TRMU: variants seen among roughly 807,000 people sequenced by gnomAD.
TRMU encodes mitochondrial tRNA-specific 2-thiouridylase 1.
Under a neutral mutation model 46.9 loss-of-function variants are expected in TRMU, and 49 were observed. The observed-to-expected ratio is 1.05, with a 90% CI of 0.83 to 1.33. The LOEUF is 1.33. Ranked by LOEUF, TRMU falls within the 40% of genes most tolerant of loss-of-function variation. The pLI is 0.00. For synonymous variants in TRMU, 241 were observed against 200.9 expected (o/e 1.20, Z -1.69); for missense variants, 572 against 532.4 (o/e 1.07, Z -0.73).
rs2078335516 is a variant in TRMU at position 46,349,087 on chromosome 22, C to CGA, written c.479-1201_479-1200dup. Among the ~76,000 whole-genome samples the CGA allele has an allele frequency of 6.6e-6, 1 of 151,082 alleles. No homozygotes were observed. Among genetic ancestry groups the CGA allele is most frequent in the African/African-American group, 2.4e-5 (1 of 40,972 alleles). Reference sequence around the variant, plus strand: ...CCAGGAGGCGGAGATTGCCGTGAGCCGAGATGTGCCACTGCACTCCAGCCT... The same window carrying CGA: ...CCAGGAGGCGGAGATTGCCGTGAGCCGAGAGATGTGCCACTGCACTCCAGCCT... On this transcript the variant is annotated intron_variant, in intron 4 of 10. Coordinates refer to ENST00000645190, the MANE Select transcript of TRMU (RefSeq NM_018006.5). The surrounding 1 kb of genome is among the most constrained non-coding windows in gnomAD (Gnocchi z 4.6).
rs2077974455 is a variant in TRMU at position 46,336,267 on chromosome 22, G to A, written c.82+421G>A. 3 of 482,362 alleles carry A rather than the reference G, an allele frequency of 6.2e-6. No individual in the cohort carries two copies. The highest frequency in any genetic ancestry group is 1.2e-4 in the Admixed American group (2 of 17,042). 29.9% of individuals were successfully genotyped at this position (482,362 alleles called of 1,614,324 possible). On this transcript the variant is annotated intron_variant, in intron 1 of 10. Transcript: ENST00000645190. The surrounding 1 kb of genome is among the most constrained non-coding windows in gnomAD (Gnocchi z 4.1). ...ACACGCTGTGGCCGCCCGGTGGGAGGTCCTTGTCCTCCCCACTCAGCAGAC... is the reference window on the plus strand; with the variant it reads ...ACACGCTGTGGCCGCCCGGTGGGAGATCCTTGTCCTCCCCACTCAGCAGAC...
At position 46,350,401 on chromosome 22, in the gene TRMU, A is replaced by C. The variant is rs898786376; in HGVS notation, c.589A>C (p.Lys197Gln). 5 of 1,614,072 alleles carry C rather than the reference A, an allele frequency of 3.1e-6. No homozygotes were observed. The highest frequency in any genetic ancestry group is 4.2e-6 in the Non-Finnish European group (5 of 1,180,042). ...CATCTTCCCTCTGGGGGGATTAACG[A>C]AAGAGTTTGTAAAGAAAATCGCTGC... ...RTIFPLGGLT[K>Q]EFVKKIAAEN... The change falls in exon 5 of 11, where the codon AAA becomes CAA. Residue 197 changes from lysine to glutamine, a missense_variant. By Grantham distance (53) the Lys-to-Gln change is moderately conservative. Transcript: ENST00000645190. The surrounding 1 kb of genome is among the most constrained non-coding windows in gnomAD (Gnocchi z 4.6).
Position 46,355,600 on chromosome 22 carries a change from G to A in TRMU, c.1018+12G>A, listed in dbSNP as rs777327420. On this transcript the variant is annotated intron_variant, in intron 9 of 10. Coordinates refer to ENST00000645190, the MANE Select transcript of TRMU (RefSeq NM_018006.5). Reference sequence around the variant, plus strand: ...CCAGATGGCACTAGGTGACTGACGGGAGGGCTCCTGAGGACGGGCCCCTTG... The same window carrying A: ...CCAGATGGCACTAGGTGACTGACGGAAGGGCTCCTGAGGACGGGCCCCTTG... The A allele has an allele frequency of 1.2e-6, 2 of 1,613,290 alleles. No individual in the cohort carries two copies. Among genetic ancestry groups the A allele is most frequent in the South Asian group, 1.1e-5 (1 of 91,088 alleles).
intron 1 of TRMU, 124 bp from the exon 2 acceptor site, chr22:46,337,655 C>T (rs904930658): frequency 1.6e-5 from 21 of 1,290,330 alleles, no homozygotes; most frequent in Middle Eastern, 2.6e-4. Flanking sequence ...AGGGACTGCC[C>T]GGCAGGCCAG....
At chr22:46,341,194 T>C (rs1416432061) in intron 2 of TRMU, among the ~76,000 whole-genome samples, 1 of 152,226 alleles carries the variant, frequency 6.6e-6, no homozygotes, top group African/African-American at 2.4e-5. Context: ...CGCCTTCCCA[T>C]CTGCTGTTTA....
chr22:46,337,883 A>G lies in TRMU; in HGVS notation c.187A>G (p.Ile63Val). ...DCEDAYRVCQ[I>V]LDIPFHQVSY... ...TGAAGATGCTTACAGAGTTTGCCAG[A>G]TCTTAGACATCCCTTTCCATCAAGT... Residue 63 changes from isoleucine (I) to valine (V), a missense_variant, in exon 2 of 11, where the codon ATC (isoleucine) becomes GTC (valine). Transcript: ENST00000645190. The G allele has an allele frequency of 6.2e-7, 1 of 1,614,226 alleles. No individual in the cohort carries two copies. Among genetic ancestry groups the G allele is most frequent in the Non-Finnish European group, 8.5e-7 (1 of 1,180,028 alleles).
intron 9 of TRMU, 91 bp from the exon 10 acceptor site, chr22:46,355,899 C>A: frequency 6.9e-7 from 1 of 1,442,984 alleles, no homozygotes; most frequent in Non-Finnish European, 9.5e-7. Context: ...GGGTTTTTGA[C>A]CCCGTGGGCT....
rs367879331 is a variant in TRMU at position 46,343,199 on chromosome 22, C to CT, written c.249-48dup. 178,199 of 891,468 alleles carry CT rather than the reference C, an allele frequency of 0.2. 7 individuals carry two copies. The highest frequency in any genetic ancestry group is 0.26 in the South Asian group (15,254 of 58,488). 55.2% of individuals were successfully genotyped at this position (891,468 alleles called of 1,614,324 possible). Reference sequence around the variant, plus strand: ...TACATTAAACAAGCAATTTAGTGAACTTTTTTTTTTTTTTTGAGGAATGTT... The same window carrying CT: ...TACATTAAACAAGCAATTTAGTGAACTTTTTTTTTTTTTTTTGAGGAATGTT... On this transcript the variant is annotated intron_variant, in intron 2 of 10. Transcript: ENST00000645190.
chr22:46,337,238 C>T (rs1469607616), intron 1 of TRMU, among the ~76,000 whole-genome samples: 1 of 152,150 alleles, frequency 6.6e-6, no homozygotes, highest in African/African-American at 2.4e-5. Context: ...GTGTAGTTTG[C>T]TAAGGTGGTG....
rs1489643441 is a variant in TRMU at position 46,352,042 on chromosome 22, G to GGCCC, written c.652-76_652-73dup. The GGCCC allele has an allele frequency of 3.3e-6, 5 of 1,528,280 alleles. No homozygotes were observed. In the African/African-American group the frequency reaches 6.8e-5, roughly 21 times the overall value. 94.7% of individuals were successfully genotyped at this position (1,528,280 alleles called of 1,614,324 possible). The stretch of plus-strand genomic sequence containing the variant: ...GTGGGGTGAGGCCGGGAGGCCCCAG[G>GGCCC]GCCCGCTCAGGACGTCTGGGTACAG... On this transcript the variant is annotated intron_variant, in intron 5 of 10. Transcript: ENST00000645190.
At position 46,342,914 on chromosome 22, in the gene TRMU, G is replaced by A. The variant is rs1341738664; in HGVS notation, c.249-348G>A. ...AGGATTTCATTTCCACTGTCACTCAGGCATCTTCTCTTCCTCACCTAAGCC... is the reference window on the plus strand; with the variant it reads ...AGGATTTCATTTCCACTGTCACTCAAGCATCTTCTCTTCCTCACCTAAGCC... On this transcript the variant is annotated intron_variant, in intron 2 of 10. Transcript: ENST00000645190. This position sits in a 1 kb window ranked among gnomAD's most constrained non-coding sequence, Gnocchi z 4.7. 2.0e-5 allele frequency among the ~76,000 whole-genome samples: 3 copies of A among 152,268 alleles called. No homozygotes were observed. The highest frequency in any genetic ancestry group is 4.4e-5 in the Non-Finnish European group (3 of 68,052).
At chr22:46,341,011 T>G (rs1345266119) in intron 2 of TRMU, among the ~76,000 whole-genome samples, 1 of 152,208 alleles carries the variant, frequency 6.6e-6, no homozygotes, top group Non-Finnish European at 1.5e-5. Flanking sequence ...AGAGATTTCT[T>G]TTGCATTCTT....
chr22:46,352,214 G>A (rs1391778421), intron 6 of TRMU, 40 bp downstream of exon 6: 2 of 1,613,846 alleles, frequency 1.2e-6, no homozygotes, highest in Non-Finnish European at 1.7e-6. Context: ...GGGGCTGCGT[G>A]TCTGCCCTGG....
rs751870420 is a variant in TRMU at position 46,350,491 on chromosome 22, G to T, written c.651+28G>T. The T allele has an allele frequency of 6.2e-6, 10 of 1,612,648 alleles. No homozygotes were observed. In the South Asian group the frequency reaches 7.7e-5, roughly 12 times the overall value. On this transcript the variant is annotated intron_variant, in intron 5 of 10. Transcript: ENST00000645190. This position sits in a 1 kb window ranked among gnomAD's most constrained non-coding sequence, Gnocchi z 4.6. Reference sequence around the variant, plus strand: ...ACGAGTGAGCAGTTGCCTTTGATTAGTGCCTGTTTCCCTTTCCCGACTGCA... The same window carrying T: ...ACGAGTGAGCAGTTGCCTTTGATTATTGCCTGTTTCCCTTTCCCGACTGCA...
At position 46,350,223 on chromosome 22, in the gene TRMU, G is replaced by A. The variant is rs1440796156; in HGVS notation, c.479-68G>A. 1 of 1,594,440 alleles carries A rather than the reference G, an allele frequency of 6.3e-7. No homozygotes were observed. The highest frequency in any genetic ancestry group is 1.3e-5 in the African/African-American group (1 of 74,466). ...GGTAGTCTGTCTAAGTGAACAGAAG[G>A]ACATTGTTGAAAGTGAAGTATCATT... is the stretch of plus-strand genomic sequence containing the variant. On this transcript the variant is annotated intron_variant, in intron 4 of 10. Coordinates refer to ENST00000645190, the MANE Select transcript of TRMU (RefSeq NM_018006.5). This position sits in a 1 kb window ranked among gnomAD's most constrained non-coding sequence, Gnocchi z 4.6.
chr22:46,338,085 C>T lies in TRMU; in HGVS notation c.248+141C>T. 8.7e-7 allele frequency: 1 copy of T among 1,145,898 alleles called. No individual in the cohort carries two copies. Among genetic ancestry groups the T allele is most frequent in the Non-Finnish European group, 1.3e-6 (1 of 773,668 alleles). 71.0% of individuals were successfully genotyped at this position (1,145,898 alleles called of 1,614,324 possible). ...CGGTGGTGCTGAAGACTGCAAGAGG[C>T]CTCAGCCACCCTCGGGGCTCTGTGT... On this transcript the variant is annotated intron_variant, in intron 2 of 10. Coordinates refer to ENST00000645190, the MANE Select transcript of TRMU (RefSeq NM_018006.5). This position sits in a 1 kb window ranked among gnomAD's most constrained non-coding sequence, Gnocchi z 4.5.
chr22:46,351,882 G>T lies in TRMU; in HGVS notation c.652-239G>T. On this transcript the variant is annotated intron_variant, in intron 5 of 10. Coordinates refer to ENST00000645190, the MANE Select transcript of TRMU (RefSeq NM_018006.5). The surrounding 1 kb of genome is among the most constrained non-coding windows in gnomAD (Gnocchi z 6.4). ...CTTCCCCGGGGCAGCTGGTGTGAGGGTCTCCCGCGCAGGGTCAGACCCCGC... is the reference window on the plus strand; with the variant it reads ...CTTCCCCGGGGCAGCTGGTGTGAGGTTCTCCCGCGCAGGGTCAGACCCCGC... The T allele has an allele frequency of 1.6e-6, 1 of 614,810 alleles. No individual in the cohort carries two copies. Among genetic ancestry groups the T allele is most frequent in the Non-Finnish European group, 2.9e-6 (1 of 343,318 alleles). 38.1% of individuals were successfully genotyped at this position (614,810 alleles called of 1,614,324 possible).
chr22:46,356,670 GGCCTCTCCTCTCCTGT>G, intron 10 of TRMU, 156 bp from the exon 11 acceptor site: 2 of 753,638 alleles, frequency 2.7e-6, no homozygotes, highest in Non-Finnish European at 4.3e-6. Context: ...GGGTGCCCCA[GGCCTCTCCTCTCCTGT>G]TCAGCAGCAG....
intron 8 of TRMU, chr22:46,355,061 C>T (rs1368828760): frequency 2.2e-5 from 7 of 322,922 alleles, no homozygotes; most frequent in Non-Finnish European, 1.8e-5. Flanking sequence ...CGTGGTGTGG[C>T]TGGCCCCTGT....
Sources: allele counts gnomAD v4.1 joint callset (sites outside exome capture counted in the v4.1 genomes callset), GRCh38; gene constraint gnomAD v4.1.1; non-coding constraint Gnocchi (gnomAD v3.1); transcripts MANE v1.5; gene names NCBI Gene and HGNC (gene_info 2026-07-23, HGNC 2026-07-21).